Variants in IQSEC1 observed in about 807,000 individuals in gnomAD.
IQSEC1 encodes IQ motif and Sec7 domain ArfGEF 1.
In IQSEC1, 31 loss-of-function variants were observed where a neutral mutation model predicts 91.0. That is an observed-to-expected ratio of 0.34 (90% CI 0.26 to 0.46). The LOEUF (loss-of-function observed/expected upper bound fraction) is 0.46, where lower values mean the gene tolerates loss of function less well. Among genes scored for constraint, IQSEC1 ranks in the 20% least tolerant of loss-of-function variants. IQSEC1 has a pLI of 1.00. For missense variants in IQSEC1, 1,388 were observed against 1,575.6 expected (o/e 0.88, Z 2.02); for synonymous variants, 699 against 662.6 (o/e 1.05, Z -0.84).
intron 3 of IQSEC1, among the ~76,000 whole-genome samples, chr3:12,926,932 AGTGGCCCCGGTCCCTACCTGTC>A (rs1697196968): frequency 2.0e-5 from 3 of 152,182 alleles, no homozygotes; most frequent in Non-Finnish European, 4.4e-5. Context: ...GTGGTAATGG[AGTGGCCCCGGTCCCTACCTGTC>A]CCAGGGACCC....
intron 2 of IQSEC1, among the ~76,000 whole-genome samples, chr3:13,116,915 A>T (rs1027716459): frequency 1.3e-5 from 2 of 152,200 alleles, no homozygotes; most frequent in South Asian, 4.1e-4. Context: ...TCCTCATGAC[A>T]TCGGATTTGG....
Position 13,073,019 on chromosome 3 carries a change from T to G in IQSEC1, c.-5A>C. The stretch of plus-strand genomic sequence containing the variant: ...ATAGCGTCTTCTGCAAGCCATCCTG[T>G]GTGAATCCGTTCTTCCCTGTTCTGG... On this transcript the variant is annotated 5_prime_UTR_variant, in exon 1 of 14. Transcript: ENST00000613206. The G allele has an allele frequency of 6.4e-7, 1 of 1,551,736 alleles. No homozygotes were observed. Among genetic ancestry groups the G allele is most frequent in the African/African-American group, 1.4e-5 (1 of 73,168 alleles).
At chr3:12,907,606 C>G (rs1247398936) in intron 12 of IQSEC1, among the ~76,000 whole-genome samples, 4 of 152,258 alleles carry the variant, frequency 2.6e-5, no homozygotes, top group African/African-American at 9.6e-5. Flanking sequence ...CGGCCAGTGC[C>G]TCTTTTCTCT....
At chr3:12,931,219 G>A (rs1349888002) in intron 3 of IQSEC1, among the ~76,000 whole-genome samples, 1 of 152,172 alleles carries the variant, frequency 6.6e-6, no homozygotes, top group Non-Finnish European at 1.5e-5. Flanking sequence ...GGGATCCTGG[G>A]CTGCGGGTAG....
At chr3:12,981,547 A>T (rs1276384832) in intron 1 of IQSEC1, among the ~76,000 whole-genome samples, 1 of 152,184 alleles carries the variant, frequency 6.6e-6, no homozygotes, top group Non-Finnish European at 1.5e-5. Flanking sequence ...AACAGGGGGA[A>T]CTTTTCACCA....
At chr3:12,978,526 G>A (rs557669957) in intron 1 of IQSEC1, among the ~76,000 whole-genome samples, 65 of 152,002 alleles carry the variant, frequency 4.3e-4, no homozygotes, top group Middle Eastern at 3.4e-3. Flanking sequence ...GTGAAACCCC[G>A]TCTCTACTAA....
intron 1 of IQSEC1, among the ~76,000 whole-genome samples, chr3:13,249,188 T>C (rs967895525): frequency 1.1e-4 from 15 of 139,832 alleles, no homozygotes; most frequent in African/African-American, 4.0e-4. Context: ...TTTTTTTTTT[T>C]TGAGACGGAG....
intron 2 of IQSEC1, among the ~76,000 whole-genome samples, chr3:13,141,435 G>A (rs165435): frequency 0.53 from 80,161 of 152,044 alleles, 22,129 homozygotes; most frequent in African/African-American, 0.69. Context: ...AGAGTGCCCA[G>A]TCTGTGTCTG....
intron 1 of IQSEC1, among the ~76,000 whole-genome samples, chr3:13,264,759 C>G (rs545924398): frequency 6.6e-6 from 1 of 151,922 alleles, no homozygotes; most frequent in South Asian, 2.1e-4. Flanking sequence ...CAAACACATA[C>G]AGTCTCTGCC....
intron 1 of IQSEC1, among the ~76,000 whole-genome samples, chr3:13,052,253 C>T (rs978010870): frequency 2.0e-5 from 3 of 152,308 alleles, no homozygotes; most frequent in African/African-American, 4.8e-5. Flanking sequence ...CTTCTCCATC[C>T]CCATCATATT....
chr3:13,158,993 G>A (rs1457970020), intron 2 of IQSEC1, among the ~76,000 whole-genome samples: 1 of 152,054 alleles, frequency 6.6e-6, no homozygotes, highest in East Asian at 1.9e-4. Context: ...AGTGTTAGAA[G>A]CAAAATTTCT....
At chr3:13,204,372 G>C (rs897796618) in intron 1 of IQSEC1, among the ~76,000 whole-genome samples, 2 of 152,286 alleles carry the variant, frequency 1.3e-5, no homozygotes, top group Non-Finnish European at 2.9e-5. Flanking sequence ...AGTCACACCT[G>C]TACGACAGAG....
chr3:13,059,877 C>T (rs1705006120), intron 1 of IQSEC1, among the ~76,000 whole-genome samples: 1 of 152,226 alleles, frequency 6.6e-6, no homozygotes, highest in South Asian at 2.1e-4. Context: ...GCGGTGAACT[C>T]GACAGGCATG....
intron 1 of IQSEC1, among the ~76,000 whole-genome samples, chr3:12,960,044 C>A (rs1015058206): frequency 5.3e-5 from 8 of 152,198 alleles, no homozygotes; most frequent in Non-Finnish European, 8.8e-5. Context: ...GAAAGAGCTG[C>A]TTCCCCAAAC....
Position 13,255,912 on chromosome 3 carries a change from G to A in IQSEC1, c.272+26799C>T, listed in dbSNP as rs138808739. Reference sequence around the variant, plus strand: ...GCAATTCAAACGCAGGCAGCAATGGGTGATGTCCAGAGATATTTTTGTTGT... The same window carrying A: ...GCAATTCAAACGCAGGCAGCAATGGATGATGTCCAGAGATATTTTTGTTGT... On this transcript the variant is annotated intron_variant, in intron 1 of 15. Coordinates refer to the IQSEC1 transcript ENST00000648114. Among the ~76,000 whole-genome samples the A allele has an allele frequency of 5.9e-5, 9 of 152,332 alleles. 1 individual carries two copies. Among genetic ancestry groups the A allele is most frequent in the African/African-American group, 2.2e-4 (9 of 41,568 alleles).
intron 1 of IQSEC1, among the ~76,000 whole-genome samples, chr3:13,186,242 A>G (rs1307729244): frequency 1.3e-5 from 2 of 152,098 alleles, no homozygotes; most frequent in African/African-American, 2.4e-5. Context: ...CTCATTTGCT[A>G]TTGGGTCCAG....
At chr3:13,237,095 C>T (rs752478878) in intron 1 of IQSEC1, among the ~76,000 whole-genome samples, 1 of 152,252 alleles carries the variant, frequency 6.6e-6, no homozygotes, top group Admixed American at 6.5e-5. Flanking sequence ...CCCTCCGCCT[C>T]CCAGAACCTC....
intron 1 of IQSEC1, among the ~76,000 whole-genome samples, chr3:12,944,627 G>A (rs1699053049): frequency 1.3e-5 from 2 of 152,226 alleles, no homozygotes; most frequent in Non-Finnish European, 1.5e-5. Flanking sequence ...TCAGTCAGGC[G>A]CCAAATCTGT....
chr3:13,196,938 G>A (rs1249219231), intron 1 of IQSEC1, among the ~76,000 whole-genome samples: 7 of 152,070 alleles, frequency 4.6e-5, no homozygotes, highest in Non-Finnish European at 1.0e-4. Context: ...GTGTCACCGG[G>A]CAGCAGACCC....
Sources: allele counts gnomAD v4.1 joint callset (sites outside exome capture counted in the v4.1 genomes callset), GRCh38; gene constraint gnomAD v4.1.1; transcripts MANE v1.5; gene names NCBI Gene and HGNC (gene_info 2026-07-23, HGNC 2026-07-21).